UBE2W: variants seen among roughly 807,000 people sequenced by gnomAD.
UBE2W encodes the protein ubiquitin conjugating enzyme E2 W.
Under a neutral mutation model 27.2 loss-of-function variants are expected in UBE2W, and 18 were observed. That is an observed-to-expected ratio of 0.66 (90% CI 0.46 to 0.98). The LOEUF is 0.98. UBE2W is among the 50% of genes least tolerant of loss of function. The pLI is 0.00. For missense variants in UBE2W, 90 were observed against 180.2 expected (o/e 0.50, Z 2.87); for synonymous variants, 53 against 57.2 (o/e 0.93, Z 0.33).
intron 3 of UBE2W, among the ~76,000 whole-genome samples, chr8:73,820,894 T>C (rs532270862): frequency 1.2e-3 from 181 of 152,258 alleles, no homozygotes; most frequent in African/African-American, 3.9e-3. Context: ...GAGGCTGCAG[T>C]GAGCTATGAT....
intron 1 of UBE2W, among the ~76,000 whole-genome samples, chr8:73,832,882 C>T (rs1285529597): frequency 6.6e-6 from 1 of 152,176 alleles, no homozygotes; most frequent in African/African-American, 2.4e-5. Context: ...TCCTTTGCTG[C>T]TTTCTAATTA....
At chr8:73,878,289 G>A (rs892429858) in intron 1 of UBE2W, among the ~76,000 whole-genome samples, 1 of 152,242 alleles carries the variant, frequency 6.6e-6, no homozygotes, top group Non-Finnish European at 1.5e-5. Flanking sequence ...CAGTCTGGGG[G>A]GCCCGGCGTG....
At chr8:73,796,488 A>G (rs1014018453) in intron 5 of UBE2W, 3 of 209,570 alleles carry the variant, frequency 1.4e-5, no homozygotes, top group African/African-American at 7.0e-5. Context: ...TGTTCATTGC[A>G]GAAGGTTTTT....
intron 1 of UBE2W, among the ~76,000 whole-genome samples, chr8:73,833,053 C>T (rs28689765): frequency 1.3e-5 from 2 of 151,906 alleles, no homozygotes; most frequent in Non-Finnish European, 1.5e-5. Context: ...GGCGTGGTGG[C>T]GCGTGCCTGT....
rs1403147160 is a variant in UBE2W at position 73,788,199 on chromosome 8, A to T, written c.*5903T>A. 4.2e-6 allele frequency: 4 copies of T among 948,102 alleles called. No homozygotes were observed. The highest frequency in any genetic ancestry group is 5.0e-6 in the Non-Finnish European group (4 of 796,080). 58.7% of individuals were successfully genotyped at this position (948,102 alleles called of 1,614,324 possible). On this transcript the variant is annotated 3_prime_UTR_variant, in exon 6 of 6. Transcript: ENST00000602593. ...GCAAAGTAATCTGCATTCAACTAAC[A>T]AGTCTGATACATGTATTAAAAAATA...
intron 5 of UBE2W, among the ~76,000 whole-genome samples, chr8:73,804,709 T>A (rs1808795920): frequency 6.6e-6 from 1 of 151,618 alleles, no homozygotes; most frequent in East Asian, 1.9e-4. Flanking sequence ...ACAACAGACT[T>A]CCCAGTAACT....
At chr8:73,878,607 C>T (rs1812344349) in intron 1 of UBE2W, among the ~76,000 whole-genome samples, 1 of 152,204 alleles carries the variant, frequency 6.6e-6, no homozygotes, top group Non-Finnish European at 1.5e-5. Context: ...TCCGCTTCGA[C>T]CGACGGATAC....
At chr8:73,781,747 T>C (rs954480083), downstream of UBE2W, among the ~76,000 whole-genome samples, 3 of 151,696 alleles carry the variant, frequency 2.0e-5, no homozygotes, top group Admixed American at 6.6e-5. Context: ...GTCTAGCTAA[T>C]TTTTATATTT....
At chr8:73,844,914 C>G (rs1354969525) in intron 1 of UBE2W, among the ~76,000 whole-genome samples, 1 of 151,826 alleles carries the variant, frequency 6.6e-6, no homozygotes, top group East Asian at 2.0e-4. Context: ...CGCCCGGCAG[C>G]CGCCCGGTCT....
At chr8:73,864,721 T>G (rs1811672560) in intron 1 of UBE2W, among the ~76,000 whole-genome samples, 1 of 110,112 alleles carries the variant, frequency 9.1e-6, no homozygotes, top group South Asian at 3.4e-4. Context: ...GGATTACAGG[T>G]GCATGCCACC....
intron 1 of UBE2W, among the ~76,000 whole-genome samples, chr8:73,865,798 A>T (rs1811729556): frequency 6.6e-6 from 1 of 152,094 alleles, no homozygotes; most frequent in Non-Finnish European, 1.5e-5. Flanking sequence ...TAATTTTAAA[A>T]TTTTTTAAAT....
At chr8:73,864,736 C>G (rs1035416768) in intron 1 of UBE2W, among the ~76,000 whole-genome samples, 2 of 82,718 alleles carry the variant, frequency 2.4e-5, no homozygotes, top group Non-Finnish European at 4.4e-5. Flanking sequence ...GCCACCATGT[C>G]CAGCAAATTT....
chr8:73,801,328 G>C (rs1385683410), intron 5 of UBE2W, among the ~76,000 whole-genome samples: 1 of 152,054 alleles, frequency 6.6e-6, no homozygotes, highest in Non-Finnish European at 1.5e-5. Context: ...CTAGGGAGTA[G>C]TAAATAAGGA....
chr8:73,795,170 TAC>T (rs1437560808), intron 5 of UBE2W, among the ~76,000 whole-genome samples: 20 of 5,902 alleles, frequency 3.4e-3, no homozygotes, highest in Non-Finnish European at 7.4e-4. Flanking sequence ...CAAAATATTT[TAC>T]AGACTGATAT....
At chr8:73,822,631 A>T (rs13255807) in intron 3 of UBE2W, among the ~76,000 whole-genome samples, 13,992 of 141,558 alleles carry the variant, frequency 0.099, 560 homozygotes, top group Middle Eastern at 0.14. Context: ...AAAAAAAAAA[A>T]AAATTAGCTG....
intron 5 of UBE2W, chr8:73,796,715 G>A (rs1808436569): frequency 1.1e-6 from 1 of 942,114 alleles, no homozygotes; most frequent in Non-Finnish European, 1.3e-6. Context: ...GAGTTTATAA[G>A]CAAACTTTAA....
intron 1 of UBE2W, among the ~76,000 whole-genome samples, chr8:73,851,302 T>C (rs564999722): frequency 2.0e-5 from 3 of 152,084 alleles, no homozygotes; most frequent in Admixed American, 1.3e-4. Flanking sequence ...AACTTCTGCA[T>C]ATGTAAATAT....
At chr8:73,870,260 C>T (rs746027422) in intron 1 of UBE2W, 12 of 1,585,248 alleles carry the variant, frequency 7.6e-6, no homozygotes, top group Non-Finnish European at 1.0e-5. Context: ...CAAAAAAACA[C>T]ACACTTACTG....
At chr8:73,878,134 C>T (rs756033754) in intron 1 of UBE2W, among the ~76,000 whole-genome samples, 5 of 152,162 alleles carry the variant, frequency 3.3e-5, no homozygotes, top group Non-Finnish European at 7.3e-5. Flanking sequence ...GCCCATCAGG[C>T]GGTGGACACG....
Sources: gnomAD v4.1 joint callset for allele counts (sites outside exome capture counted in the v4.1 genomes callset) on GRCh38, gnomAD v4.1.1 for gene constraint, MANE v1.5 for transcripts, NCBI Gene and HGNC (gene_info 2026-07-23, HGNC 2026-07-21) for gene names.